Variants in ZNF407 observed in about 807,000 individuals in gnomAD.
ZNF407 encodes zinc finger protein 407.
ZNF407 carries 17 observed loss-of-function variants against 131.2 expected under a neutral mutation model. That is an observed-to-expected ratio of 0.13 (90% CI 0.09 to 0.19). The LOEUF is 0.19. Ranked by LOEUF, ZNF407 falls within the 10% of genes least tolerant of loss-of-function variation. The pLI, the probability that ZNF407 is intolerant of heterozygous loss-of-function variation, is 1.00. For synonymous variants in ZNF407, 1,156 were observed against 1,062.0 expected (o/e 1.09, Z -1.72); for missense variants, 2,681 against 2,830.6 (o/e 0.95, Z 1.20).
At position 74,634,054 on chromosome 18, in the gene ZNF407, C is replaced by G; in HGVS notation, c.3035C>G (p.Thr1012Arg). The change falls in exon 2 of 9, where the codon ACA becomes AGA. Residue 1012 changes from threonine (T) to arginine (R), a missense_variant. Coordinates refer to ENST00000299687, the MANE Select transcript of ZNF407 (RefSeq NM_017757.3). ...PGDVYSQRDV[T>R]GTGENKCLHC... Reference sequence around the variant, plus strand: ...GATGTGTACTCCCAGAGAGATGTTACAGGCACAGGTGAGAATAAGTGTTTG... The same window carrying G: ...GATGTGTACTCCCAGAGAGATGTTAGAGGCACAGGTGAGAATAAGTGTTTG... 6.8e-6 allele frequency: 11 copies of G among 1,614,044 alleles called. No homozygotes were observed. The highest frequency in any genetic ancestry group is 8.5e-6 in the Non-Finnish European group (10 of 1,179,898).
chr18:74,641,228 G>C, intron 3 of ZNF407, 106 bp downstream of exon 3: 3 of 770,882 alleles, frequency 3.9e-6, no homozygotes, highest in South Asian at 3.1e-5. Flanking sequence ...CTAAAATTAT[G>C]CATGCGTACC....
Position 74,631,232 on chromosome 18 carries a change from T to C in ZNF407, c.213T>C (p.His71=). 1 of 1,613,966 alleles carries C rather than the reference T, an allele frequency of 6.2e-7. No individual in the cohort carries two copies. The highest frequency in any genetic ancestry group is 8.5e-7 in the Non-Finnish European group (1 of 1,179,880). Residue 71 remains histidine, a synonymous_variant, in exon 2 of 9, where the codon CAT becomes CAC. Coordinates refer to ENST00000299687, the MANE Select transcript of ZNF407 (RefSeq NM_017757.3). ...TTATAGGAGAAGACAGAAATAAACA[T>C]GCTTCCAAACGCAGGAAATTAGATG... ...SVVIGEDRNK[H]ASKRRKLDEA...
intron 3 of ZNF407, among the ~76,000 whole-genome samples, chr18:74,752,469 T>C: frequency 6.6e-6 from 1 of 152,230 alleles, no homozygotes; most frequent in Non-Finnish European, 1.5e-5. Flanking sequence ...TCCTGAATGG[T>C]AGTGCCTAGG....
intron 3 of ZNF407, among the ~76,000 whole-genome samples, chr18:74,721,505 C>T (rs1263747377): frequency 6.6e-6 from 1 of 152,080 alleles, no homozygotes; most frequent in African/African-American, 2.4e-5. Flanking sequence ...AAGACCCTGC[C>T]AAAAAATCTT....
intron 4 of ZNF407, among the ~76,000 whole-genome samples, chr18:74,876,393 T>A (rs1971156582): frequency 6.6e-6 from 1 of 152,212 alleles, no homozygotes; most frequent in South Asian, 2.1e-4. Context: ...GTAAAGTAAA[T>A]GTTAGCAACT....
At chr18:74,779,088 C>CATATATATATATATATAT in intron 3 of ZNF407, among the ~76,000 whole-genome samples, 8 of 19,228 alleles carry the variant, frequency 4.2e-4, no homozygotes, top group Non-Finnish European at 5.5e-4. Context: ...TCATGCTTGG[C>CATATATATATATATATAT]ATATATATAT....
chr18:74,976,922 T>C (rs942756043), intron 8 of ZNF407, among the ~76,000 whole-genome samples: 1 of 152,254 alleles, frequency 6.6e-6, no homozygotes, highest in African/African-American at 2.4e-5. Context: ...TACTGACAAG[T>C]TGAAGCCCTT....
intron 4 of ZNF407, among the ~76,000 whole-genome samples, chr18:74,874,455 G>A (rs1016533887): frequency 6.6e-6 from 1 of 152,158 alleles, no homozygotes; most frequent in Non-Finnish European, 1.5e-5. Flanking sequence ...TAAGCCACAG[G>A]GCTTGGCCCT....
chr18:74,877,457 T>A, intron 5 of ZNF407, 94 bp downstream of exon 5: 1 of 1,135,710 alleles, frequency 8.8e-7, no homozygotes, highest in Non-Finnish European at 1.3e-6. Flanking sequence ...ATCTTCATAG[T>A]AATCAATGGA....
chr18:74,870,758 T>C, intron 4 of ZNF407, among the ~76,000 whole-genome samples: 1 of 152,228 alleles, frequency 6.6e-6, no homozygotes, highest in Non-Finnish European at 1.5e-5. Context: ...ATTTAGCTAT[T>C]AGAGTACCTT....
Position 75,058,244 on chromosome 18 carries a change from G to A in ZNF407, c.5429-4906G>A, listed in dbSNP as rs1374874027. Among the ~76,000 whole-genome samples the A allele has an allele frequency of 2.0e-5, 3 of 152,112 alleles. No individual in the cohort carries two copies. In the East Asian group the frequency reaches 5.8e-4, roughly 29 times the overall value. ...CATCATAATGGCATCCCAGAGCAGC[G>A]AGCCGAACTCAAAATCCTCTCCCCA... is the stretch of plus-strand genomic sequence containing the variant. On this transcript the variant is annotated intron_variant, in intron 8 of 8. Transcript: ENST00000299687.
At chr18:75,055,802 T>A (rs746282296) in intron 8 of ZNF407, among the ~76,000 whole-genome samples, 18 of 152,190 alleles carry the variant, frequency 1.2e-4, no homozygotes, top group Non-Finnish European at 2.5e-4. Flanking sequence ...CCCATGGCAA[T>A]TAAGAAAAAG....
chr18:74,894,491 C>A (rs914936369), intron 7 of ZNF407, among the ~76,000 whole-genome samples: 2 of 151,944 alleles, frequency 1.3e-5, no homozygotes, highest in Non-Finnish European at 2.9e-5. Context: ...CTTAAAATTC[C>A]TACTTTCCAA....
At chr18:75,046,290 G>A (rs1390368658) in intron 8 of ZNF407, among the ~76,000 whole-genome samples, 4 of 152,124 alleles carry the variant, frequency 2.6e-5, no homozygotes, top group Non-Finnish European at 5.9e-5. Context: ...GAGCCGGGCT[G>A]CCCAGCCCGT....
intron 8 of ZNF407, among the ~76,000 whole-genome samples, chr18:74,929,967 A>G (rs1971963036): frequency 6.6e-6 from 1 of 152,224 alleles, no homozygotes; most frequent in South Asian, 2.1e-4. Context: ...ACTTTCCCAA[A>G]TGTTAACATC....
At chr18:74,979,356 A>G (rs189700552) in intron 8 of ZNF407, among the ~76,000 whole-genome samples, 103 of 152,274 alleles carry the variant, frequency 6.8e-4, no homozygotes, top group Non-Finnish European at 1.2e-3. Context: ...CAGTGGTGCA[A>G]TCTCAGCTCA....
chr18:74,715,188 G>C (rs1722374554), intron 3 of ZNF407, among the ~76,000 whole-genome samples: 1 of 152,140 alleles, frequency 6.6e-6, no homozygotes, highest in South Asian at 2.1e-4. Context: ...AATCCACTCT[G>C]AACTTGAAAT....
intron 3 of ZNF407, among the ~76,000 whole-genome samples, chr18:74,743,091 A>G (rs1241354741): frequency 6.6e-6 from 1 of 152,118 alleles, no homozygotes; most frequent in Admixed American, 6.6e-5. Flanking sequence ...TTTGCTTTAC[A>G]TTTGTAGTGT....
Position 75,064,309 on chromosome 18 carries a change from G to A in ZNF407, c.6588G>A (p.Ser2196=), listed in dbSNP as rs748993081. 6.2e-6 allele frequency: 10 copies of A among 1,601,232 alleles called. No individual in the cohort carries two copies. The highest frequency in any genetic ancestry group is 4.5e-5 in the East Asian group (2 of 44,426). ...ACACCGTGCTGGAGACTGCGGACTCGCAGGAACTCCTGCAGGCCGGGGCCA... is the reference window on the plus strand; with the variant it reads ...ACACCGTGCTGGAGACTGCGGACTCACAGGAACTCCTGCAGGCCGGGGCCA... ...YSHTVLETAD[S]QELLQAGATL... The change falls in exon 9 of 9, where the codon TCG becomes TCA. Residue 2196 remains serine, a synonymous_variant. Transcript: ENST00000299687.
Sources: allele counts gnomAD v4.1 joint callset (sites outside exome capture counted in the v4.1 genomes callset), GRCh38; gene constraint gnomAD v4.1.1; transcripts MANE v1.5; gene names NCBI Gene and HGNC (gene_info 2026-07-23, HGNC 2026-07-21).